NALF1: variants seen among roughly 807,000 people sequenced by gnomAD.
NALF1 encodes family with sequence similarity 155 member A.
A neutral mutation model predicts 48.4 loss-of-function variants in NALF1; 3 were observed. That is an observed-to-expected ratio of 0.06 (90% CI 0.03 to 0.16). NALF1 has a LOEUF of 0.16. Among genes scored for constraint, NALF1 ranks in the 10% least tolerant of loss-of-function variants. The probability of loss-of-function intolerance (pLI) is 1.00; values close to 1 mark genes in which losing one functional copy is unlikely to be tolerated. For missense variants in NALF1, 526 were observed against 571.5 expected, an observed-to-expected ratio of 0.92 and a Z score of 0.81; for synonymous variants, 262 against 245.7, an observed-to-expected ratio of 1.07 and a Z score of -0.62.
chr13:107,328,980 G>A (rs970332813), intron 1 of NALF1, among the ~76,000 whole-genome samples: 1 of 152,146 alleles, frequency 6.6e-6, no homozygotes, highest in African/African-American at 2.4e-5. Context: ...GTGTGACACT[G>A]TAACATCTTA....
chr13:107,306,765 AC>A (rs1881944472), intron 1 of NALF1, among the ~76,000 whole-genome samples: 1 of 152,074 alleles, frequency 6.6e-6, no homozygotes, highest in Non-Finnish European at 1.5e-5. Context: ...GAAGTTTGAG[AC>A]CCACCTGGGC....
chr13:107,365,321 T>C (rs1883134892), intron 1 of NALF1, among the ~76,000 whole-genome samples: 1 of 152,014 alleles, frequency 6.6e-6, no homozygotes, highest in Non-Finnish European at 1.5e-5. Flanking sequence ...GGTGGTCTCC[T>C]GCTTAATTAA....
intron 1 of NALF1, among the ~76,000 whole-genome samples, chr13:107,653,951 T>A (rs1200938878): frequency 6.6e-6 from 1 of 152,218 alleles, no homozygotes; most frequent in East Asian, 1.9e-4. Flanking sequence ...AAGCAATTAT[T>A]TGATTTTCCA....
At chr13:107,614,362 G>A (rs1408329162) in intron 1 of NALF1, among the ~76,000 whole-genome samples, 1 of 152,156 alleles carries the variant, frequency 6.6e-6, no homozygotes, top group Non-Finnish European at 1.5e-5. Context: ...GTCTGCATCT[G>A]TCTCCTATAT....
At chr13:107,721,232 T>G (rs1372339520) in intron 1 of NALF1, among the ~76,000 whole-genome samples, 1 of 152,042 alleles carries the variant, frequency 6.6e-6, no homozygotes, top group Non-Finnish European at 1.5e-5. Flanking sequence ...TGCACCAAAT[T>G]GTATGAAATG....
At chr13:107,270,086 T>A (rs1055129274) in intron 1 of NALF1, among the ~76,000 whole-genome samples, 7 of 152,058 alleles carry the variant, frequency 4.6e-5, no homozygotes, top group African/African-American at 1.7e-4. Flanking sequence ...ATGTTTCTTA[T>A]AACATCACTT....
At chr13:107,282,294 T>C (rs116109036) in intron 1 of NALF1, among the ~76,000 whole-genome samples, 6,829 of 152,322 alleles carry the variant, frequency 0.045, 206 homozygotes, top group African/African-American at 0.089. Flanking sequence ...GATAAGCGAA[T>C]GCTTGCTATG....
chr13:107,672,532 C>A (rs1380514251), intron 1 of NALF1, among the ~76,000 whole-genome samples: 1 of 152,126 alleles, frequency 6.6e-6, no homozygotes, highest in Non-Finnish European at 1.5e-5. Context: ...AGAGAAGATA[C>A]TGGGCGAGAA....
In NALF1 at chr13:107,608,235, AGACATAATATTGTGAGAAACCCAG is replaced by A. The variant is rs1879125694; in HGVS notation, c.915+257423_915+257446del. The stretch of plus-strand genomic sequence containing the variant: ...TGTGGGAATCATGCCGTTGGGATCC[AGACATAATATTGTGAGAAACCCAG>A]GACACGTGGAGAAGGCACATGATAA... On this transcript the variant is annotated intron_variant, in intron 1 of 2. Coordinates refer to ENST00000375915, the MANE Select transcript of NALF1 (RefSeq NM_001080396.3). Among the ~76,000 whole-genome samples, 10 of 152,314 alleles carry A rather than the reference AGACATAATATTGTGAGAAACCCAG, an allele frequency of 6.6e-5. No individual in the cohort carries two copies. The South Asian group carries it at 2.1e-3, about 32-fold the overall frequency.
At chr13:107,602,454 T>C (rs753618358) in intron 1 of NALF1, among the ~76,000 whole-genome samples, 48 of 152,210 alleles carry the variant, frequency 3.2e-4, no homozygotes, top group Admixed American at 2.0e-4. Context: ...CTCCCTAAGA[T>C]AGTTTTCCCA....
chr13:107,279,176 T>A (rs933754988), intron 1 of NALF1, among the ~76,000 whole-genome samples: 1 of 151,764 alleles, frequency 6.6e-6, no homozygotes, highest in Non-Finnish European at 1.5e-5. Context: ...TCTCAAAACA[T>A]TCATCTACTC....
intron 1 of NALF1, among the ~76,000 whole-genome samples, chr13:107,572,773 C>T (rs1594136387): frequency 1.3e-5 from 2 of 152,072 alleles, no homozygotes; most frequent in African/African-American, 4.8e-5. Context: ...ATATCTAGGT[C>T]GAAAACCAAA....
Position 107,647,198 on chromosome 13 carries a change from A to G in NALF1, c.915+218484T>C, listed in dbSNP as rs894947754. ...CCAAAATGTTGGTAAAGAAAACAAA[A>G]CGAAAATGGAATTAAATGCAAAGGA... is the stretch of plus-strand genomic sequence containing the variant. On this transcript the variant is annotated intron_variant, in intron 1 of 2. Transcript: ENST00000375915. Among the ~76,000 whole-genome samples, 9 of 152,066 alleles carry G rather than the reference A, an allele frequency of 5.9e-5. 1 individual carries two copies. The highest frequency in any genetic ancestry group is 2.2e-4 in the African/African-American group (9 of 41,442).
intron 1 of NALF1, among the ~76,000 whole-genome samples, chr13:107,827,576 C>CG (rs1420501658): frequency 6.6e-6 from 1 of 152,182 alleles, no homozygotes; most frequent in Admixed American, 6.5e-5. Context: ...CCCACCTTCC[C>CG]GGGTCAGCAG....
chr13:107,448,863 G>A (rs76673681), intron 1 of NALF1, among the ~76,000 whole-genome samples: 1 of 152,190 alleles, frequency 6.6e-6, no homozygotes, highest in East Asian at 1.9e-4. Flanking sequence ...AAGCTGATGT[G>A]AGAGGAGCTG....
chr13:107,184,156 T>C (rs1011537323), intron 2 of NALF1, among the ~76,000 whole-genome samples: 2 of 145,596 alleles, frequency 1.4e-5, no homozygotes, highest in Non-Finnish European at 3.0e-5. Context: ...GTTCTGCACA[T>C]GTACCCCAGA....
At chr13:107,426,682 C>A (rs1483472484) in intron 1 of NALF1, among the ~76,000 whole-genome samples, 2 of 152,134 alleles carry the variant, frequency 1.3e-5, no homozygotes, top group Non-Finnish European at 2.9e-5. Flanking sequence ...AGGTCCTAGT[C>A]TAGAAGTGTT....
At chr13:107,467,965 G>A (rs368738159) in intron 1 of NALF1, among the ~76,000 whole-genome samples, 2,897 of 151,280 alleles carry the variant, frequency 0.019, 107 homozygotes, top group African/African-American at 0.067. Context: ...GGAGAATGGC[G>A]TGAACCCGGG....
intron 1 of NALF1, among the ~76,000 whole-genome samples, chr13:107,593,046 A>T (rs1878641163): frequency 6.6e-6 from 1 of 151,830 alleles, no homozygotes; most frequent in African/African-American, 2.4e-5. Context: ...CTTTTAATAT[A>T]TTTACTCTAA....
Sources: gnomAD v4.1 joint callset for allele counts (sites outside exome capture counted in the v4.1 genomes callset) on GRCh38, gnomAD v4.1.1 for gene constraint, MANE v1.5 for transcripts, NCBI Gene and HGNC (gene_info 2026-07-23, HGNC 2026-07-21) for gene names.